The following SPATS2L variants were observed in gnomAD, a reference collection of about 807,000 sequenced individuals.
SPATS2L encodes spermatogenesis associated serine rich 2 like.
A neutral mutation model predicts 59.6 loss-of-function variants in SPATS2L; 30 were observed. The ratio of observed to expected loss-of-function variants is 0.50; its 90% CI spans 0.38 to 0.68. The LOEUF (loss-of-function observed/expected upper bound fraction) is 0.68, where lower values mean the gene tolerates loss of function less well. SPATS2L is among the 30% of genes least tolerant of loss of function. SPATS2L has a pLI of 0.00. For missense variants in SPATS2L, 615 were observed against 700.0 expected, an observed-to-expected ratio of 0.88 and a Z score of 1.37; for synonymous variants, 252 against 263.5, an observed-to-expected ratio of 0.96 and a Z score of 0.42.
chr2:200,337,609 A>G (rs1419823932), intron 2 of SPATS2L, among the ~76,000 whole-genome samples: 1 of 152,208 alleles, frequency 6.6e-6, no homozygotes, highest in Non-Finnish European at 1.5e-5. Context: ...ACTTTCTGAA[A>G]AGAGAACTTG....
In SPATS2L at chr2:200,477,799, A is replaced by G. The variant is rs759726720; in HGVS notation, c.1445A>G (p.Lys482Arg). 4 of 1,575,786 alleles carry G rather than the reference A, an allele frequency of 2.5e-6. No individual in the cohort carries two copies. Among genetic ancestry groups the G allele is most frequent in the Non-Finnish European group, 1.7e-6 (2 of 1,160,652 alleles). The change falls in exon 13 of 13, where the codon AAA becomes AGA. Residue 482 changes from lysine (K) to arginine (R), a missense_variant. Around this residue, in one of 3 missense-constraint regions of SPATS2L, gnomAD observed 284 missense variants for 280.1 expected, o/e 1.01. Transcript: ENST00000409140. ...RRQPHNGFRPKNKGGAKNQEA... is the reference protein window; with the variant it reads ...RRQPHNGFRPRNKGGAKNQEA... Reference sequence around the variant, plus strand: ...CAGCCGCACAACGGCTTCCGGCCCAAAAACAAAGGCGGTGCCAAAAATCAA... The same window carrying G: ...CAGCCGCACAACGGCTTCCGGCCCAGAAACAAAGGCGGTGCCAAAAATCAA...
In SPATS2L at chr2:200,368,034, A is replaced by G. The variant is rs2081317105; in HGVS notation, c.-22-21189A>G. ...CTGGTTTTAACTAATCTGCCCTAAG[A>G]AAAGAAGTTGATGAATGGCAGGATT... On this transcript the variant is annotated intron_variant, in intron 2 of 12. Transcript: ENST00000409140. Among the ~76,000 whole-genome samples, 9 of 152,204 alleles carry G rather than the reference A, an allele frequency of 5.9e-5. No individual in the cohort carries two copies. The South Asian group carries it at 1.7e-3, about 28-fold the overall frequency.
intron 2 of SPATS2L, among the ~76,000 whole-genome samples, chr2:200,388,451 A>G (rs933478393): frequency 6.6e-6 from 1 of 152,134 alleles, no homozygotes; most frequent in Non-Finnish European, 1.5e-5. Context: ...GCATACCTGC[A>G]GTTCCACCTA....
At chr2:200,459,303 ATGGTCCCAGGAC>A (rs1319671275) in intron 8 of SPATS2L, among the ~76,000 whole-genome samples, 4 of 152,220 alleles carry the variant, frequency 2.6e-5, no homozygotes, top group Non-Finnish European at 5.9e-5. Context: ...TTCTCAAAGT[ATGGTCCCAGGAC>A]CATCTGCAGC....
At chr2:200,410,111 A>G (rs1247948363) in intron 3 of SPATS2L, among the ~76,000 whole-genome samples, 2 of 151,512 alleles carry the variant, frequency 1.3e-5, no homozygotes, top group Non-Finnish European at 2.9e-5. Context: ...TATAATTAAT[A>G]TTATATTAAT....
chr2:200,402,141 C>T (rs1250571727), intron 3 of SPATS2L, among the ~76,000 whole-genome samples: 1 of 152,194 alleles, frequency 6.6e-6, no homozygotes, highest in Non-Finnish European at 1.5e-5. Flanking sequence ...TTTTCTCTCC[C>T]CTGGACAGTA....
At chr2:200,393,182 A>G (rs759752596) in intron 3 of SPATS2L, 8 of 456,580 alleles carry the variant, frequency 1.8e-5, no homozygotes, top group Non-Finnish European at 3.5e-5. Context: ...AACAGCTCCT[A>G]AAGTTGGACC....
chr2:200,475,195 G>C (rs570025515), intron 12 of SPATS2L, among the ~76,000 whole-genome samples: 1 of 152,178 alleles, frequency 6.6e-6, no homozygotes, highest in Non-Finnish European at 1.5e-5. Context: ...CCAGAGATAG[G>C]AAAAGACAGT....
intron 2 of SPATS2L, among the ~76,000 whole-genome samples, chr2:200,381,370 CCA>C (rs2081805488): frequency 2.0e-5 from 3 of 152,206 alleles, no homozygotes; most frequent in South Asian, 4.1e-4. Flanking sequence ...CCAAAAGAGA[CCA>C]CAGAGTTCAT....
intron 2 of SPATS2L, among the ~76,000 whole-genome samples, chr2:200,332,734 A>G (rs1270980017): frequency 7.5e-6 from 1 of 132,674 alleles, no homozygotes; most frequent in Non-Finnish European, 1.6e-5. Flanking sequence ...GGAATTCATT[A>G]TATTTTTTTT....
At chr2:200,339,370 A>T (rs2080247499) in intron 2 of SPATS2L, among the ~76,000 whole-genome samples, 1 of 152,018 alleles carries the variant, frequency 6.6e-6, no homozygotes. Flanking sequence ...CCCTTAAGGG[A>T]TATCCTTTAA....
intron 2 of SPATS2L, among the ~76,000 whole-genome samples, chr2:200,377,137 T>A (rs2081626883): frequency 6.6e-6 from 1 of 152,218 alleles, no homozygotes; most frequent in South Asian, 2.1e-4. Flanking sequence ...ACTCATTTCA[T>A]CCTTCTTACC....
At chr2:200,430,715 CTTTT>C (rs1179889614) in intron 6 of SPATS2L, among the ~76,000 whole-genome samples, 1 of 127,256 alleles carries the variant, frequency 7.9e-6, no homozygotes, top group Admixed American at 8.0e-5. Context: ...GAATTGTTTC[CTTTT>C]TTTTTTTTTT....
chr2:200,324,166 A>T (rs538300815), intron 1 of SPATS2L, among the ~76,000 whole-genome samples: 41 of 152,122 alleles, frequency 2.7e-4, no homozygotes, highest in Non-Finnish European at 5.0e-4. Context: ...ATCGCCCTTT[A>T]TCTTAGTCCC....
chr2:200,385,253 A>T (rs1033588858), intron 2 of SPATS2L, among the ~76,000 whole-genome samples: 1 of 152,214 alleles, frequency 6.6e-6, no homozygotes, highest in Non-Finnish European at 1.5e-5. Flanking sequence ...ACAGCATTAG[A>T]GGCTTCTTGG....
chr2:200,387,140 G>T (rs145307613), intron 2 of SPATS2L, among the ~76,000 whole-genome samples: 1 of 152,206 alleles, frequency 6.6e-6, no homozygotes, highest in Non-Finnish European at 1.5e-5. Context: ...AACTTTCAGG[G>T]TCAGGAATAA....
At chr2:200,417,011 C>A in intron 5 of SPATS2L, among the ~76,000 whole-genome samples, 1 of 152,198 alleles carries the variant, frequency 6.6e-6, no homozygotes, top group East Asian at 1.9e-4. Flanking sequence ...CCCATTCAAA[C>A]TGGTTTGCTT....
chr2:200,328,899 A>G (rs748657775), intron 1 of SPATS2L, among the ~76,000 whole-genome samples: 8 of 152,338 alleles, frequency 5.3e-5, no homozygotes, highest in Non-Finnish European at 1.2e-4. Flanking sequence ...AATAGCTAAC[A>G]TTAAATTGGA....
At chr2:200,428,986 A>G (rs2083744685) in intron 6 of SPATS2L, among the ~76,000 whole-genome samples, 1 of 152,166 alleles carries the variant, frequency 6.6e-6, no homozygotes, top group Admixed American at 6.5e-5. Context: ...TTTGTAAATC[A>G]TTCTCTATCC....
Sources: gnomAD v4.1 joint callset for allele counts (sites outside exome capture counted in the v4.1 genomes callset) on GRCh38, gnomAD v4.1.1 for gene constraint, gnomAD v4.1.1 regional missense constraint, MANE v1.5 for transcripts, NCBI Gene and HGNC (gene_info 2026-07-23, HGNC 2026-07-21) for gene names.